DCDC2C: variants seen among roughly 807,000 people sequenced by gnomAD.
The protein encoded by DCDC2C is doublecortin domain-containing protein 2C.
In DCDC2C, 44 loss-of-function variants were observed where a neutral mutation model predicts 45.0. That is an observed-to-expected ratio of 0.98 (90% CI 0.77 to 1.26). The LOEUF (loss-of-function observed/expected upper bound fraction) is 1.26. Among genes scored for constraint, DCDC2C ranks in the 50% most tolerant of loss-of-function variants. The pLI is 0.00. For missense variants in DCDC2C, 447 were observed against 468.9 expected, an observed-to-expected ratio of 0.95 and a Z score of 0.43; for synonymous variants, 187 against 178.8, an observed-to-expected ratio of 1.05 and a Z score of -0.37.
intron 10 of DCDC2C, among the ~76,000 whole-genome samples, chr2:3,797,721 T>C (rs1024265384): frequency 7.9e-5 from 12 of 152,262 alleles, no homozygotes; most frequent in African/African-American, 2.6e-4. Context: ...TTGATTGCAC[T>C]GTGGTCTGAG....
Position 3,704,053 on chromosome 2 carries a change from G to A in DCDC2C, c.287+15G>A, listed in dbSNP as rs1287331744. ...AAGGAGCTCGAGTAAGTGCGCCCGC[G>A]CCCCCCACGCGCCCTGCGCCCCTCC... On this transcript the variant is annotated intron_variant, in intron 1 of 10. Coordinates refer to ENST00000399143, the MANE Select transcript of DCDC2C (RefSeq NM_001287444.2). The A allele has an allele frequency of 6.4e-6, 8 of 1,248,102 alleles. No homozygotes were observed. Among genetic ancestry groups the A allele is most frequent in the African/African-American group, 1.6e-5 (1 of 64,350 alleles). 77.3% of individuals were successfully genotyped at this position (1,248,102 alleles called of 1,614,324 possible).
intron 7 of DCDC2C, chr2:3,769,109 C>G (rs112207431): frequency 1.8e-6 from 1 of 540,586 alleles, no homozygotes. Flanking sequence ...GAGGCCACCA[C>G]GCTGAGCACC....
At chr2:3,725,624 A>G (rs1668639506) in intron 2 of DCDC2C, among the ~76,000 whole-genome samples, 1 of 145,168 alleles carries the variant, frequency 6.9e-6, no homozygotes, top group Admixed American at 6.8e-5. Flanking sequence ...GGAGACCGCC[A>G]GAGTGACGAG....
chr2:3,704,340 G>C, intron 1 of DCDC2C, among the ~76,000 whole-genome samples: 1 of 148,312 alleles, frequency 6.7e-6, no homozygotes, highest in Admixed American at 6.7e-5. Flanking sequence ...GAGGGGCGTG[G>C]GGCAGAAACA....
intron 10 of DCDC2C, among the ~76,000 whole-genome samples, 174 bp from the exon 11 acceptor site, chr2:3,846,980 C>T (rs1188001886): frequency 3.3e-5 from 5 of 152,174 alleles, no homozygotes; most frequent in Admixed American, 6.5e-5. Context: ...TTGGGTGTGC[C>T]GTGAGGAGCT....
chr2:3,728,242 C>T (rs1319337795), intron 3 of DCDC2C, among the ~76,000 whole-genome samples: 3 of 152,238 alleles, frequency 2.0e-5, no homozygotes, highest in Non-Finnish European at 4.4e-5. Context: ...ATTCGCCAAA[C>T]TTGGCCCCTT....
chr2:3,842,712 G>A (rs997681436), intron 10 of DCDC2C, among the ~76,000 whole-genome samples: 13 of 151,620 alleles, frequency 8.6e-5, no homozygotes, highest in African/African-American at 3.2e-4. Context: ...GATCACAGCA[G>A]CCTACTGTGG....
intron 10 of DCDC2C, among the ~76,000 whole-genome samples, chr2:3,811,995 A>G (rs1459694363): frequency 6.6e-6 from 1 of 152,074 alleles, no homozygotes; most frequent in East Asian, 1.9e-4. Context: ...TATTTTATTG[A>G]GGATTTTCGC....
chr2:3,736,877 T>C (rs1669047249), intron 3 of DCDC2C, among the ~76,000 whole-genome samples: 1 of 152,194 alleles, frequency 6.6e-6, no homozygotes, highest in South Asian at 2.1e-4. Flanking sequence ...TTATGACACC[T>C]TAGTTTTAAA....
chr2:3,771,048 G>A (rs950482747), intron 8 of DCDC2C, among the ~76,000 whole-genome samples: 5 of 152,230 alleles, frequency 3.3e-5, no homozygotes, highest in African/African-American at 1.2e-4. Context: ...ATTAACACAA[G>A]TCCTGTGGCT....
intron 10 of DCDC2C, among the ~76,000 whole-genome samples, chr2:3,807,278 C>T (rs1671274798): frequency 6.6e-6 from 1 of 152,188 alleles, no homozygotes; most frequent in Admixed American, 6.5e-5. Flanking sequence ...GCTGCTTACA[C>T]AGGCATCTGC....
At chr2:3,813,373 T>G (rs930052783) in intron 10 of DCDC2C, among the ~76,000 whole-genome samples, 1 of 152,128 alleles carries the variant, frequency 6.6e-6, no homozygotes, top group South Asian at 2.1e-4. Context: ...GGCCAAAGAA[T>G]GTATATTCTG....
At chr2:3,720,279 T>C (rs943960006) in intron 2 of DCDC2C, among the ~76,000 whole-genome samples, 1 of 152,028 alleles carries the variant, frequency 6.6e-6, no homozygotes, top group Non-Finnish European at 1.5e-5. Flanking sequence ...GAAGCAAGAG[T>C]CAGCTGCGGA....
chr2:3,713,882 C>T (rs1189137593), intron 2 of DCDC2C, among the ~76,000 whole-genome samples: 1 of 152,186 alleles, frequency 6.6e-6, no homozygotes, highest in African/African-American at 2.4e-5. Context: ...TTCATAATGC[C>T]TTTAAATTGT....
Position 3,812,129 on chromosome 2 carries a change from T to G in DCDC2C, c.1065+27029T>G, listed in dbSNP as rs139330654. On this transcript the variant is annotated intron_variant, in intron 10 of 10. Transcript: ENST00000399143. ...GATGGACTCCCTCATTTTCAATTGTTTGGAGTAGTTTCAGAAAGAATGGTA... is the reference window on the plus strand; with the variant it reads ...GATGGACTCCCTCATTTTCAATTGTGTGGAGTAGTTTCAGAAAGAATGGTA... Among the ~76,000 whole-genome samples the G allele has an allele frequency of 1.9e-3, 294 of 152,294 alleles. 1 individual carries two copies. The highest frequency in any genetic ancestry group is 5.2e-3 in the Admixed American group (80 of 15,306).
At chr2:3,809,599 A>T (rs1486859729) in intron 10 of DCDC2C, among the ~76,000 whole-genome samples, 1 of 152,170 alleles carries the variant, frequency 6.6e-6, no homozygotes, top group East Asian at 1.9e-4. Flanking sequence ...AAGCTCATTG[A>T]TGAGTTCTGG....
At chr2:3,844,418 TC>T (rs1233757575) in intron 10 of DCDC2C, 3 of 151,850 alleles carry the variant, frequency 2.0e-5, no homozygotes, top group Non-Finnish European at 4.4e-5. Flanking sequence ...CACGCAGCCG[TC>T]CTCAGGACAG....
chr2:3,735,860 GT>G (rs1464241424), intron 3 of DCDC2C, among the ~76,000 whole-genome samples: 1 of 151,664 alleles, frequency 6.6e-6, no homozygotes, highest in African/African-American at 2.4e-5. Context: ...GCTGATATAT[GT>G]TTTTTCCATT....
rs965368926 is a variant in DCDC2C at position 3,818,711 on chromosome 2, C to T, written c.1066-28443C>T. On this transcript the variant is annotated intron_variant, in intron 10 of 10. Transcript: ENST00000399143. The surrounding 1 kb of genome is among the most constrained non-coding windows in gnomAD (Gnocchi z 4.7). ...AAAGGGATGGTAAGGGGTGCATGAT[C>T]GGTCATCAAGGAGGGAGTAGAGGTG... Among the ~76,000 whole-genome samples, 4 of 151,824 alleles carry T rather than the reference C, an allele frequency of 2.6e-5. No individual in the cohort carries two copies. The highest frequency in any genetic ancestry group is 9.7e-5 in the African/African-American group (4 of 41,306).
Sources: allele counts gnomAD v4.1 joint callset (sites outside exome capture counted in the v4.1 genomes callset), GRCh38; gene constraint gnomAD v4.1.1; non-coding constraint Gnocchi (gnomAD v3.1); transcripts MANE v1.5; gene names NCBI Gene and HGNC (gene_info 2026-07-23, HGNC 2026-07-21).